The following KHDRBS2 variants were observed in gnomAD, a reference collection of about 807,000 sequenced individuals.
KHDRBS2 encodes the protein KH RNA binding domain containing, signal transduction associated 2.
A neutral mutation model predicts 44.3 loss-of-function variants in KHDRBS2; 26 were observed. That is an observed-to-expected ratio of 0.59 (90% confidence interval 0.43 to 0.81). The LOEUF (loss-of-function observed/expected upper bound fraction) is 0.81. Ranked by LOEUF, KHDRBS2 falls within the 40% of genes least tolerant of loss-of-function variation. KHDRBS2 has a pLI of 0.00. For synonymous variants in KHDRBS2, 194 were observed against 151.1 expected, an observed-to-expected ratio of 1.28 and a Z score of -2.08; for missense variants, 476 against 433.1, an observed-to-expected ratio of 1.10 and a Z score of -0.88.
At chr6:61,889,182 A>G (rs997378228) in intron 6 of KHDRBS2, among the ~76,000 whole-genome samples, 8 of 152,200 alleles carry the variant, frequency 5.3e-5, no homozygotes, top group African/African-American at 1.9e-4. Flanking sequence ...ATAAGTGCTT[A>G]TGAATATTTA....
At chr6:62,190,723 A>T (rs1824425588) in intron 1 of KHDRBS2, among the ~76,000 whole-genome samples, 1 of 152,098 alleles carries the variant, frequency 6.6e-6, no homozygotes, top group Non-Finnish European at 1.5e-5. Context: ...TTAGCTCTAA[A>T]ACCTATTCTT....
chr6:61,617,212 A>G, the KHDRBS2 span, among the ~76,000 whole-genome samples: 19 of 152,318 alleles, frequency 1.2e-4, no homozygotes, highest in East Asian at 1.7e-3. Flanking sequence ...AACTAGTTCC[A>G]TATCACATTT....
chr6:61,883,124 A>G (rs1800439657), intron 6 of KHDRBS2, among the ~76,000 whole-genome samples: 1 of 152,076 alleles, frequency 6.6e-6, no homozygotes, highest in African/African-American at 2.4e-5. Flanking sequence ...AAATAAATCA[A>G]GGCTCAAATC....
chr6:61,693,341 T>C (rs1253699911), intron 8 of KHDRBS2, among the ~76,000 whole-genome samples: 2 of 152,220 alleles, frequency 1.3e-5, no homozygotes, highest in East Asian at 3.9e-4. Context: ...GTGCACATAA[T>C]GCATATTAAT....
In KHDRBS2 at chr6:62,278,376, T is replaced by C. The variant is rs111516693; in HGVS notation, c.91+7482A>G. ...ACAAACAGCTTCACTATAGACTGTA[T>C]ACATAAAGAGAAACTGAGAATAATG... On this transcript the variant is annotated intron_variant, in intron 1 of 8. Coordinates refer to ENST00000281156, the MANE Select transcript of KHDRBS2 (RefSeq NM_152688.4). 5.3e-5 allele frequency among the ~76,000 whole-genome samples: 8 copies of C among 152,184 alleles called. 1 individual carries two copies. Among genetic ancestry groups the C allele is most frequent in the Admixed American group, 3.3e-4 (5 of 15,288 alleles).
At chr6:61,954,204 T>G (rs1452089342) in intron 4 of KHDRBS2, among the ~76,000 whole-genome samples, 1 of 152,002 alleles carries the variant, frequency 6.6e-6, no homozygotes, top group Non-Finnish European at 1.5e-5. Flanking sequence ...TGGTTTTTTC[T>G]ACAGTCTGAT....
At chr6:61,955,777 G>T (rs1767080455) in intron 4 of KHDRBS2, among the ~76,000 whole-genome samples, 2 of 151,546 alleles carry the variant, frequency 1.3e-5, no homozygotes, top group Non-Finnish European at 2.9e-5. Context: ...GTAACCACTG[G>T]CATTTACTAA....
intron 3 of KHDRBS2, among the ~76,000 whole-genome samples, chr6:62,019,984 T>A (rs185283432): frequency 6.6e-6 from 1 of 151,852 alleles, no homozygotes; most frequent in Non-Finnish European, 1.5e-5. Context: ...TTTGGTCTTC[T>A]TTTCCTAATT....
intron 2 of KHDRBS2, among the ~76,000 whole-genome samples, chr6:62,144,361 C>CCAG (rs1302558048): frequency 6.6e-6 from 1 of 151,976 alleles, no homozygotes; most frequent in Non-Finnish European, 1.5e-5. Context: ...AGTTAATAAT[C>CCAG]TGTAAACTTG....
chr6:61,605,553 T>A, the KHDRBS2 span, among the ~76,000 whole-genome samples: 1 of 152,202 alleles, frequency 6.6e-6, no homozygotes, highest in Non-Finnish European at 1.5e-5. Context: ...TTTAGTTTTT[T>A]AATTCATATA....
intron 6 of KHDRBS2, among the ~76,000 whole-genome samples, chr6:61,810,880 G>T (rs1435829047): frequency 6.6e-6 from 1 of 152,014 alleles, no homozygotes; most frequent in African/African-American, 2.4e-5. Flanking sequence ...TTTTTTAAAT[G>T]CATTTTTGTT....
chr6:62,004,446 C>G (rs540391240), intron 3 of KHDRBS2, among the ~76,000 whole-genome samples: 2 of 152,104 alleles, frequency 1.3e-5, no homozygotes, highest in African/African-American at 4.8e-5. Flanking sequence ...TCCTAATACA[C>G]CTTCCTAAAC....
At chr6:61,952,381 A>G (rs1236839324) in intron 4 of KHDRBS2, among the ~76,000 whole-genome samples, 1 of 152,018 alleles carries the variant, frequency 6.6e-6, no homozygotes, top group Admixed American at 6.6e-5. Context: ...TGGATCTTCC[A>G]CCTAATCTTT....
At chr6:61,794,107 G>T (rs964784450) in intron 6 of KHDRBS2, among the ~76,000 whole-genome samples, 2 of 152,156 alleles carry the variant, frequency 1.3e-5, no homozygotes, top group African/African-American at 4.8e-5. Flanking sequence ...TTAAGGTCTA[G>T]AGAGTTTTGG....
At chr6:61,913,935 C>T (rs895586887) in intron 4 of KHDRBS2, among the ~76,000 whole-genome samples, 4 of 152,034 alleles carry the variant, frequency 2.6e-5, no homozygotes, top group Non-Finnish European at 2.9e-5. Context: ...GATATTAGGT[C>T]AGACAAGTAG....
chr6:62,266,084 A>C (rs1839155774), intron 1 of KHDRBS2, among the ~76,000 whole-genome samples: 1 of 152,004 alleles, frequency 6.6e-6, no homozygotes, highest in South Asian at 2.1e-4. Context: ...GGAGGAGGAG[A>C]TGGGGCTGAC....
At chr6:61,766,425 TG>T (rs886482502) in intron 6 of KHDRBS2, among the ~76,000 whole-genome samples, 32 of 152,152 alleles carry the variant, frequency 2.1e-4, no homozygotes, top group Admixed American at 5.2e-4. Flanking sequence ...ACCACATTTT[TG>T]TTTCATTGAT....
At chr6:61,562,358 G>A in the KHDRBS2 span, among the ~76,000 whole-genome samples, 1 of 152,082 alleles carries the variant, frequency 6.6e-6, no homozygotes, top group Admixed American at 6.6e-5. Flanking sequence ...TGATCCTTTA[G>A]GGATCTTCTC....
downstream of KHDRBS2, among the ~76,000 whole-genome samples, chr6:61,679,474 A>G (rs1766125417): frequency 6.6e-6 from 1 of 151,950 alleles, no homozygotes; most frequent in Non-Finnish European, 1.5e-5. Context: ...TGCATAGGCA[A>G]AATTACAGAG....
Sources: gnomAD v4.1 joint callset for allele counts (sites outside exome capture counted in the v4.1 genomes callset) on GRCh38, gnomAD v4.1.1 for gene constraint, MANE v1.5 for transcripts, NCBI Gene and HGNC (gene_info 2026-07-23, HGNC 2026-07-21) for gene names.